Variants in ABCA10 observed in about 807,000 individuals in gnomAD.
The protein encoded by ABCA10 is ATP-binding cassette sub-family A member 10.
In ABCA10, 169 loss-of-function variants were observed where a neutral mutation model predicts 187.5. The ratio of observed to expected loss-of-function variants is 0.90; its 90% CI spans 0.80 to 1.02. The LOEUF is 1.02. Among genes scored for constraint, ABCA10 ranks in the 50% least tolerant of loss-of-function variants. The pLI is 0.00. For missense variants in ABCA10, 1,727 were observed against 1,812.4 expected, an observed-to-expected ratio of 0.95 and a Z score of 0.86; for synonymous variants, 574 against 601.8, an observed-to-expected ratio of 0.95 and a Z score of 0.68.
At chr17:69,174,883 GT>G in intron 23 of ABCA10, 106 bp from the exon 24 acceptor site, 2 of 989,930 alleles carry the variant, frequency 2.0e-6, no homozygotes, top group Admixed American at 3.3e-5. Flanking sequence ...ATGTTATAGT[GT>G]CTGTGTGACA....
At chr17:69,225,262 C>G (rs2074784619) in intron 3 of ABCA10, 63 bp downstream of exon 3, 2 of 1,573,946 alleles carry the variant, frequency 1.3e-6, no homozygotes, top group African/African-American at 1.4e-5. Flanking sequence ...TAAATTCAAC[C>G]TGCAAAAAGA....
chr17:69,163,293 C>T (rs575353845), intron 27 of ABCA10, among the ~76,000 whole-genome samples: 6 of 152,264 alleles, frequency 3.9e-5, no homozygotes, highest in African/African-American at 1.2e-4. Flanking sequence ...TGGAGGTGCG[C>T]AGCCAAATAC....
intron 27 of ABCA10, 125 bp downstream of exon 27, chr17:69,163,949 T>C (rs1050597397): frequency 1.4e-5 from 9 of 628,320 alleles, no homozygotes; most frequent in East Asian, 3.3e-5. Flanking sequence ...TGCCATTATA[T>C]TGGAATGGAA....
chr17:69,182,080 G>T, intron 22 of ABCA10, 73 bp downstream of exon 22: 3 of 1,314,748 alleles, frequency 2.3e-6, no homozygotes, highest in South Asian at 2.5e-5. Context: ...GAACTCACAT[G>T]GTAGGCTCTA....
At chr17:69,195,477 C>CACAT (rs1239232996) in intron 11 of ABCA10, among the ~76,000 whole-genome samples, 1 of 150,434 alleles carries the variant, frequency 6.6e-6, no homozygotes, top group Non-Finnish European at 1.5e-5. Flanking sequence ...CTCTAATTTT[C>CACAT]CACAATAATG....
At chr17:69,183,704 G>A (rs2144791810) in intron 20 of ABCA10, among the ~76,000 whole-genome samples, 1 of 152,228 alleles carries the variant, frequency 6.6e-6, no homozygotes, top group African/African-American at 2.4e-5. Flanking sequence ...AACCCTGTGG[G>A]CACTCTCAGC....
intron 7 of ABCA10, 37 bp from the exon 8 acceptor site, chr17:69,216,037 C>G: frequency 1.3e-6 from 2 of 1,580,538 alleles, no homozygotes. Context: ...TATATTTTTC[C>G]TTGAAGATTC....
intron 1 of ABCA10, among the ~76,000 whole-genome samples, chr17:69,238,977 C>G (rs2074888431): frequency 6.6e-6 from 1 of 152,220 alleles, no homozygotes; most frequent in African/African-American, 2.4e-5. Context: ...AACTGTGGAT[C>G]ACTGTCCCCA....
At chr17:69,151,100 T>C (rs1461547086) in intron 36 of ABCA10, among the ~76,000 whole-genome samples, 1 of 152,210 alleles carries the variant, frequency 6.6e-6, no homozygotes, top group Non-Finnish European at 1.5e-5. Flanking sequence ...TTCCTTCTCT[T>C]GTGAGCCACA....
chr17:69,190,826 AATT>A (rs1389305776), intron 17 of ABCA10, among the ~76,000 whole-genome samples: 3 of 151,570 alleles, frequency 2.0e-5, no homozygotes, highest in African/African-American at 7.2e-5. Context: ...TATATAATAA[AATT>A]ATTATAATTT....
In ABCA10 at chr17:69,185,626, A is replaced by G. The variant is rs150316122; in HGVS notation, c.2348T>C (p.Ile783Thr). The G allele has an allele frequency of 3.4e-5, 55 of 1,606,720 alleles. No individual in the cohort carries two copies. In the African/African-American group the frequency reaches 5.9e-4, roughly 17 times the overall value. ...ALLCLLLVLG[I>T]AFIPIILEKI... ...CTCTAGAATGATGGGGATAAAAGCA[A>G]TTCCAAGTACTAGTAACCTAAGTAA... Residue 783 changes from isoleucine (I) to threonine (T), a missense_variant, in exon 20 of 39, where the codon ATT becomes ACT. Physicochemically the swap from Ile to Thr is moderately conservative, Grantham distance 89. Transcript: ENST00000690296.
rs1270937755 is a variant in ABCA10 at position 69,175,471 on chromosome 17, A to C, written c.2812T>G (p.Phe938Val). 6.2e-7 allele frequency: 1 copy of C among 1,612,104 alleles called. No homozygotes were observed. Among genetic ancestry groups the C allele is most frequent in the Non-Finnish European group, 8.5e-7 (1 of 1,178,650 alleles). ...ACGCAGTTTGTGATCAACAACAAAAATATGGACCCATCTATAAAACCAAGA... is the reference window on the plus strand; with the variant it reads ...ACGCAGTTTGTGATCAACAACAAAACTATGGACCCATCTATAAAACCAAGA... The part of the protein sequence containing the change: ...LDLGFIDGSI[F>V]LLLITNCVSP... Residue 938 changes from phenylalanine to valine, a missense_variant, in exon 23 of 39, where the codon TTT becomes GTT. Coordinates refer to ENST00000690296, the MANE Select transcript of ABCA10 (RefSeq NM_001377321.1).
intron 9 of ABCA10, 119 bp downstream of exon 9, chr17:69,214,585 G>C: frequency 1.1e-6 from 1 of 880,964 alleles, no homozygotes; most frequent in Non-Finnish European, 1.6e-6. Flanking sequence ...CTATTGTTTT[G>C]AAATTTTTTC....
At chr17:69,244,662 T>C in exon 1 of ABCA10, 1 of 151,690 alleles carries the variant, frequency 6.6e-6, no homozygotes, top group Non-Finnish European at 1.5e-5. Flanking sequence ...TAAACATTTC[T>C]ATTTCTCAAA....
At chr17:69,174,994 A>G (rs191250857) in intron 23 of ABCA10, among the ~76,000 whole-genome samples, 2 of 152,176 alleles carry the variant, frequency 1.3e-5, no homozygotes, top group Non-Finnish European at 2.9e-5. Context: ...TTACCCATTG[A>G]TACAGATTAA....
At chr17:69,153,765 A>G (rs1439804278) in intron 32 of ABCA10, 66 bp downstream of exon 32, 2 of 1,526,080 alleles carry the variant, frequency 1.3e-6, no homozygotes, top group Non-Finnish European at 1.8e-6. Flanking sequence ...TCCTTTTAAT[A>G]TATAATGAAG....
rs375141032 is a variant in ABCA10, at chr17:69,162,838, C to CATATACATATACATATACAT, written c.3363+1235_3363+1236insATGTATATGTATATGTATAT. Among the ~76,000 whole-genome samples, 269 of 120,818 alleles carry CATATACATATACATATACAT rather than the reference C, an allele frequency of 2.2e-3. 1 individual carries two copies. The highest frequency in any genetic ancestry group is 8.5e-3 in the African/African-American group (230 of 27,050). The allele number at this position is 120,818 out of a possible 152,430, so 79.3% of individuals were successfully genotyped here. A position where few individuals can be genotyped will look rare whatever the true frequency, so the allele number is the denominator to read the frequency against. ...ACATATACATATACATATACATATACATATATATATATATATATGAGACGG... is the reference window on the plus strand; with the variant it reads ...ACATATACATATACATATACATATACATATACATATACATATACATATATATATATATATATATGAGACGG... On this transcript the variant is annotated intron_variant, in intron 27 of 38. Transcript: ENST00000690296.
At chr17:69,182,532 T>C (rs1366372850) in intron 21 of ABCA10, 143 bp downstream of exon 21, 4 of 1,075,154 alleles carry the variant, frequency 3.7e-6, no homozygotes, top group Non-Finnish European at 3.7e-6. Context: ...TTATATTTTA[T>C]GTGACAAAGA....
At chr17:69,230,670 T>C (rs1468989813), upstream of ABCA10, among the ~76,000 whole-genome samples, 1 of 152,006 alleles carries the variant, frequency 6.6e-6, no homozygotes, top group African/African-American at 2.4e-5. Flanking sequence ...AGCAGGTAAA[T>C]GTACTATATT....
Sources: gnomAD v4.1 joint callset for allele counts (sites outside exome capture counted in the v4.1 genomes callset) on GRCh38, gnomAD v4.1.1 for gene constraint, MANE v1.5 for transcripts, NCBI Gene and HGNC (gene_info 2026-07-23, HGNC 2026-07-21) for gene names.